Variants in PHLPP1 observed in about 807,000 individuals in gnomAD.
PHLPP1 encodes PH domain leucine-rich repeat-containing protein phosphatase 1.
Under a neutral mutation model 117.2 loss-of-function variants are expected in PHLPP1, and 42 were observed. That is an observed-to-expected ratio of 0.36 (90% CI 0.28 to 0.46). The LOEUF (loss-of-function observed/expected upper bound fraction) is 0.46, where lower values mean the gene tolerates loss of function less well. Among genes scored for constraint, PHLPP1 ranks in the 20% least tolerant of loss-of-function variants. The probability of loss-of-function intolerance (pLI) is 1.00; values close to 1 mark genes in which losing one functional copy is unlikely to be tolerated. For synonymous variants in PHLPP1, 1,042 were observed against 970.7 expected (o/e 1.07, Z -1.37); for missense variants, 2,084 against 2,241.9 (o/e 0.93, Z 1.42).
chr18:62,846,209 C>CAAAAAA (rs34577472), intron 3 of PHLPP1, among the ~76,000 whole-genome samples: 3 of 78,648 alleles, frequency 3.8e-5, no homozygotes, highest in African/African-American at 1.0e-4. Context: ...AACTCCATCT[C>CAAAAAA]AAAAAAAAAA....
chr18:62,748,516 G>A (rs370012511), intron 1 of PHLPP1, among the ~76,000 whole-genome samples: 12 of 152,198 alleles, frequency 7.9e-5, no homozygotes, highest in African/African-American at 2.9e-4. Context: ...AAAGTGCTGG[G>A]ATTACAGGGG....
intron 1 of PHLPP1, among the ~76,000 whole-genome samples, chr18:62,752,967 T>C (rs1256963244): frequency 6.6e-6 from 1 of 152,220 alleles, no homozygotes; most frequent in South Asian, 2.1e-4. Flanking sequence ...TGTTGTGCCA[T>C]ATTACTACTG....
At chr18:62,929,379 A>G (rs985412404) in intron 10 of PHLPP1, among the ~76,000 whole-genome samples, 3 of 152,190 alleles carry the variant, frequency 2.0e-5, no homozygotes, top group African/African-American at 7.2e-5. Flanking sequence ...GTAAGAGTTA[A>G]TTCATTGTAT....
At chr18:62,853,434 A>G (rs1026045758) in intron 3 of PHLPP1, among the ~76,000 whole-genome samples, 1 of 151,400 alleles carries the variant, frequency 6.6e-6, no homozygotes, top group Non-Finnish European at 1.5e-5. Flanking sequence ...CAGTGGCGCA[A>G]TCTTGGCTCC....
At chr18:62,787,291 C>G (rs183984611) in intron 1 of PHLPP1, among the ~76,000 whole-genome samples, 1 of 152,110 alleles carries the variant, frequency 6.6e-6, no homozygotes, top group African/African-American at 2.4e-5. Flanking sequence ...CTCAGCCTCA[C>G]GAGTAGCTGG....
intron 1 of PHLPP1, among the ~76,000 whole-genome samples, chr18:62,808,913 C>T (rs1165992116): frequency 6.6e-6 from 1 of 152,068 alleles, no homozygotes; most frequent in Non-Finnish European, 1.5e-5. Context: ...ATAGTTTCTA[C>T]AAAATTATAC....
chr18:62,967,552 G>C (rs576469907), intron 14 of PHLPP1, among the ~76,000 whole-genome samples: 7 of 151,848 alleles, frequency 4.6e-5, no homozygotes, highest in African/African-American at 1.7e-4. Flanking sequence ...ACAATCAAAT[G>C]TGATGTTAGC....
chr18:62,760,734 G>A (rs1158188196), intron 1 of PHLPP1, among the ~76,000 whole-genome samples: 1 of 152,174 alleles, frequency 6.6e-6, no homozygotes, highest in African/African-American at 2.4e-5. Context: ...AGGAGAGGAA[G>A]GGTGAATATA....
intron 15 of PHLPP1, among the ~76,000 whole-genome samples, chr18:62,974,870 T>C (rs1001845881): frequency 2.6e-5 from 4 of 152,152 alleles, no homozygotes; most frequent in Non-Finnish European, 5.9e-5. Flanking sequence ...CTCCAATACT[T>C]CAAGGCTGCT....
rs56681642 is a variant in PHLPP1 at position 62,855,284 on chromosome 18, G to A, written c.1900-5151G>A. ...TGATTAATTTTTTTTATGTATGTAG[G>A]TCTTTCTTATTTCAGGCAGGATCTC... On this transcript the variant is annotated intron_variant, in intron 3 of 16. Coordinates refer to ENST00000262719, the MANE Select transcript of PHLPP1 (RefSeq NM_194449.4). Among the ~76,000 whole-genome samples the A allele has an allele frequency of 2.9e-3, 437 of 152,232 alleles. 3 individuals carry two copies. The highest frequency in any genetic ancestry group is 9.8e-3 in the African/African-American group (406 of 41,536).
chr18:62,821,540 C>G (rs1262187889), intron 1 of PHLPP1, among the ~76,000 whole-genome samples: 3 of 127,722 alleles, frequency 2.3e-5, no homozygotes, highest in African/African-American at 9.0e-5. Flanking sequence ...CAGAGTGAGA[C>G]CCTTTATCCA....
intron 1 of PHLPP1, among the ~76,000 whole-genome samples, chr18:62,739,028 A>G (rs1250435025): frequency 6.6e-5 from 10 of 152,182 alleles, no homozygotes; most frequent in Non-Finnish European, 1.3e-4. Context: ...AAGGGGAGAG[A>G]TGATGAGTTA....
rs1910718119 is a variant in PHLPP1 at position 62,716,068 on chromosome 18, A to G, written c.385A>G (p.Asn129Asp). The change falls in exon 1 of 17, where the codon AAT becomes GAT. Residue 129 changes from asparagine (N) to aspartate (D), a missense_variant. By Grantham distance (23) the Asn-to-Asp change is conservative. Transcript: ENST00000262719. This position sits in a 1 kb window ranked among gnomAD's most constrained non-coding sequence, Gnocchi z 5.7. ...GCTGAGGAGAGGGCGGCTGAAGAGG[A>G]ATCTGTCCGCGGCCGCCGCGGCCGC... ...LLLRRGRLKRNLSAAAAAASS... is the reference protein window; with the variant it reads ...LLLRRGRLKRDLSAAAAAASS... 1.3e-6 allele frequency: 2 copies of G among 1,482,882 alleles called. No individual in the cohort carries two copies. The highest frequency in any genetic ancestry group is 2.6e-5 in the South Asian group (2 of 77,184). 91.9% of individuals were successfully genotyped at this position (1,482,882 alleles called of 1,614,324 possible).
At chr18:62,786,175 A>C (rs1913278237) in intron 1 of PHLPP1, among the ~76,000 whole-genome samples, 1 of 152,172 alleles carries the variant, frequency 6.6e-6, no homozygotes, top group African/African-American at 2.4e-5. Context: ...TCACAGGTAA[A>C]AGTCAGTTTT....
At chr18:62,823,277 G>T (rs1233306965) in intron 1 of PHLPP1, among the ~76,000 whole-genome samples, 1 of 152,114 alleles carries the variant, frequency 6.6e-6, no homozygotes, top group Non-Finnish European at 1.5e-5. Flanking sequence ...TCATATATTT[G>T]ACAGAAGTCT....
Position 62,717,007 on chromosome 18 carries a change from G to T in PHLPP1, c.1324G>T (p.Ala442Ser). The change falls in exon 1 of 17, where the codon GCC (alanine) becomes TCC (serine). Residue 442 changes from alanine to serine, a missense_variant. Physicochemically the swap from Ala to Ser is moderately conservative, Grantham distance 99. Coordinates refer to ENST00000262719, the MANE Select transcript of PHLPP1 (RefSeq NM_194449.4). ...GTCGTGCGAGGAGAAGGCAGCGGCAGCCGTGGCCCCGGGAGGCCTCCAGTC... is the reference window on the plus strand; with the variant it reads ...GTCGTGCGAGGAGAAGGCAGCGGCATCCGTGGCCCCGGGAGGCCTCCAGTC... ...EGSCEEKAAA[A>S]VAPGGLQSTP... is the part of the protein sequence containing the mutation. 1 of 1,543,994 alleles carries T rather than the reference G, an allele frequency of 6.5e-7. No homozygotes were observed. Among genetic ancestry groups the T allele is most frequent in the South Asian group, 1.2e-5 (1 of 83,864 alleles).
chr18:62,716,035 T>A lies in PHLPP1; in HGVS notation c.352T>A (p.Ser118Thr). The change falls in exon 1 of 17, where the codon TCC (serine) becomes ACC (threonine). Residue 118 changes from serine to threonine, a missense_variant. Around this residue, in one of 2 missense-constraint regions of PHLPP1, gnomAD observed 719 missense variants for 636.0 expected, o/e 1.13. Coordinates refer to ENST00000262719, the MANE Select transcript of PHLPP1 (RefSeq NM_194449.4). The surrounding 1 kb of genome is among the most constrained non-coding windows in gnomAD (Gnocchi z 5.7). Reference sequence around the variant, plus strand: ...ACCCGGGGCCGGCGGCGGCGCCAACTCCCTCCTGCTGAGGAGAGGGCGGCT... The same window carrying A: ...ACCCGGGGCCGGCGGCGGCGCCAACACCCTCCTGCTGAGGAGAGGGCGGCT... ...PVPGAGGGAN[S>T]LLLRRGRLKR... 1 of 1,410,326 alleles carries A rather than the reference T, an allele frequency of 7.1e-7. No individual in the cohort carries two copies. Among genetic ancestry groups the A allele is most frequent in the Non-Finnish European group, 9.2e-7 (1 of 1,091,338 alleles). The allele number at this position is 1,410,326 out of a possible 1,614,324, so 87.4% of individuals were successfully genotyped here.
At chr18:62,866,928 G>T (rs1387754660) in intron 4 of PHLPP1, among the ~76,000 whole-genome samples, 1 of 152,082 alleles carries the variant, frequency 6.6e-6, no homozygotes, top group Non-Finnish European at 1.5e-5. Flanking sequence ...CCCTCACCTG[G>T]TCTGTTGCGC....
At chr18:62,793,924 A>C (rs1283803293) in intron 1 of PHLPP1, among the ~76,000 whole-genome samples, 1 of 152,212 alleles carries the variant, frequency 6.6e-6, no homozygotes, top group African/African-American at 2.4e-5. Context: ...TATCAAACTG[A>C]AATTATACAA....
Sources: allele counts gnomAD v4.1 joint callset (sites outside exome capture counted in the v4.1 genomes callset), GRCh38; gene constraint gnomAD v4.1.1; regional missense constraint gnomAD v4.1.1; non-coding constraint Gnocchi (gnomAD v3.1); transcripts MANE v1.5; gene names NCBI Gene and HGNC (gene_info 2026-07-23, HGNC 2026-07-21).